Variants in CLIC2 observed in about 807,000 individuals in gnomAD.
The protein encoded by CLIC2 is CLIC family member 2.
A neutral mutation model predicts 14.8 loss-of-function variants in CLIC2; 9 were observed. The observed-to-expected ratio is 0.61, with a 90% CI of 0.37 to 1.06. The LOEUF (loss-of-function observed/expected upper bound fraction) is 1.06. CLIC2 is among the 50% of genes least tolerant of loss of function. CLIC2 has a pLI of 0.01. For synonymous variants in CLIC2, 61 were observed against 66.3 expected, an observed-to-expected ratio of 0.92 and a Z score of 0.39; for missense variants, 148 against 181.4, an observed-to-expected ratio of 0.82 and a Z score of 1.06.
chrX:155,330,351 T>A (rs994257370), intron 1 of CLIC2, among the ~76,000 whole-genome samples: 2 of 110,692 alleles, frequency 1.8e-5, no homozygotes, highest in Non-Finnish European at 3.8e-5. Flanking sequence ...AAAATTAAAG[T>A]TAAAGAACAA....
intron 1 of CLIC2, among the ~76,000 whole-genome samples, chrX:155,299,740 C>A (rs1301799806): frequency 1.3e-5 from 1 of 75,571 alleles, no homozygotes; most frequent in Non-Finnish European, 2.4e-5. Flanking sequence ...CCCCACCCCA[C>A]AACAGTCCCC....
At chrX:155,295,964 C>A (rs1400534123) in intron 3 of CLIC2, among the ~76,000 whole-genome samples, 1 of 111,376 alleles carries the variant, frequency 9.0e-6, no homozygotes, top group African/African-American at 3.3e-5. Context: ...AGATTCAATG[C>A]AATCCCTGTC....
chrX:155,277,025 C>G lies in CLIC2; in HGVS notation c.*878G>C, dbSNP rs2074901036. ...CAAGAGTTAAGTTCAGCTTTTGTTT[C>G]CAGATTTGAATGATTTAAGAGTACT... On this transcript the variant is annotated 3_prime_UTR_variant, in exon 6 of 6. Coordinates refer to ENST00000369449, the MANE Select transcript of CLIC2 (RefSeq NM_001289.6). 8.9e-6 allele frequency: 1 copy of G among 112,050 alleles called. No individual in the cohort carries two copies. Among genetic ancestry groups the G allele is most frequent in the African/African-American group, 3.2e-5 (1 of 30,877 alleles). 9.2% of individuals were successfully genotyped at this position (112,050 alleles called of 1,213,427 possible).
In CLIC2 at chrX:155,312,434, A is replaced by G. The variant is rs190970386; in HGVS notation, c.58-13289T>C. Reference sequence around the variant, plus strand: ...TATTGAATAAGGAGTCTTTTCCCCAATGCTTGTTTTTGTCAGGCTTGTCAA... The same window carrying G: ...TATTGAATAAGGAGTCTTTTCCCCAGTGCTTGTTTTTGTCAGGCTTGTCAA... On this transcript the variant is annotated intron_variant, in intron 1 of 5. Coordinates refer to ENST00000369449, the MANE Select transcript of CLIC2 (RefSeq NM_001289.6). 3.6e-3 allele frequency among the ~76,000 whole-genome samples: 399 copies of G among 111,690 alleles called. 5 individuals are homozygous for G. Among genetic ancestry groups the G allele is most frequent in the African/African-American group, 0.012 (381 of 30,743 alleles).
At chrX:155,329,223 C>T (rs781920730) in intron 1 of CLIC2, among the ~76,000 whole-genome samples, 11 of 109,439 alleles carry the variant, frequency 1.0e-4, no homozygotes, top group Admixed American at 8.7e-4. Flanking sequence ...GATTAATAAC[C>T]AGAATATATA....
Position 155,299,153 on chromosome X carries a change from G to A in CLIC2, c.58-8C>T. 9.6e-6 allele frequency: 11 copies of A among 1,148,042 alleles called. No homozygotes were observed. The highest frequency in any genetic ancestry group is 1.3e-5 in the Non-Finnish European group (11 of 838,158). The allele number at this position is 1,148,042 out of a possible 1,213,427, so 94.6% of individuals were successfully genotyped here. On this transcript the variant is annotated splice_region_variant and splice_polypyrimidine_tract_variant and intron_variant, in intron 1 of 5. Transcript: ENST00000369449. ...CTCTCCATCACTTCCAGCCTATTAA[G>A]ATAAAGAGAGACCTCAGTTCATTTG...
intron 1 of CLIC2, among the ~76,000 whole-genome samples, chrX:155,314,071 C>T (rs1301297314): frequency 9.0e-6 from 1 of 111,172 alleles, no homozygotes; most frequent in Non-Finnish European, 1.9e-5. Context: ...ACATGCCTAA[C>T]CCTGCCCCCA....
At chrX:155,285,788 GTT>G (rs2074939816) in intron 3 of CLIC2, among the ~76,000 whole-genome samples, 1 of 109,743 alleles carries the variant, frequency 9.1e-6, no homozygotes, top group African/African-American at 3.3e-5. Flanking sequence ...TTCATTCTGA[GTT>G]TCTTATGTGA....
At chrX:155,279,875 T>C (rs1252561983) in intron 4 of CLIC2, 87 bp downstream of exon 4, 3 of 626,314 alleles carry the variant, frequency 4.8e-6, no homozygotes, top group Non-Finnish European at 7.9e-6. Context: ...CCCCAAAATA[T>C]ACTATATATT....
intron 1 of CLIC2, among the ~76,000 whole-genome samples, chrX:155,321,160 A>G (rs1473017715): frequency 4.5e-5 from 5 of 112,029 alleles, no homozygotes; most frequent in Non-Finnish European, 5.6e-5. Flanking sequence ...ATCCAGGAGA[A>G]CTTCCCCAAC....
intron 1 of CLIC2, among the ~76,000 whole-genome samples, chrX:155,321,261 A>G (rs2075113445): frequency 9.0e-6 from 1 of 111,307 alleles, no homozygotes; most frequent in African/African-American, 3.3e-5. Context: ...ACACATAATC[A>G]TCAGATTCAC....
At chrX:155,291,082 T>C (rs782228931) in intron 3 of CLIC2, 2 of 897,008 alleles carry the variant, frequency 2.2e-6, no homozygotes, top group Non-Finnish European at 3.2e-6. Flanking sequence ...GCATATAACC[T>C]TTTTTGACGG....
chrX:155,292,683 T>A, intron 3 of CLIC2: 1 of 323,538 alleles, frequency 3.1e-6, no homozygotes. Context: ...GGCAGGAGAA[T>A]GGCGTGAACC....
At chrX:155,299,722 C>CT in intron 1 of CLIC2, among the ~76,000 whole-genome samples, 1 of 73,456 alleles carries the variant, frequency 1.4e-5, no homozygotes, top group African/African-American at 5.3e-5. Context: ...GTTATCCCTC[C>CT]CCCCTCCCCC....
intron 3 of CLIC2, among the ~76,000 whole-genome samples, chrX:155,289,700 T>TA (rs1432746554): frequency 3.6e-5 from 4 of 112,276 alleles, no homozygotes; most frequent in African/African-American, 1.3e-4. Flanking sequence ...TAAGGCTGTT[T>TA]AAAGTCTTTC....
intron 1 of CLIC2, among the ~76,000 whole-genome samples, chrX:155,305,683 G>A (rs1273566081): frequency 8.9e-6 from 1 of 112,193 alleles, no homozygotes; most frequent in Non-Finnish European, 1.9e-5. Flanking sequence ...GTTTATGACA[G>A]TTTTTAATTT....
At chrX:155,279,460 A>G in intron 4 of CLIC2, 130 bp from the exon 5 acceptor site, 1 of 495,489 alleles carries the variant, frequency 2.0e-6, no homozygotes, top group Non-Finnish European at 3.5e-6. Context: ...TTCAATATCT[A>G]GTTAACTATT....
intron 1 of CLIC2, among the ~76,000 whole-genome samples, chrX:155,320,750 A>T (rs977972364): frequency 9.0e-6 from 1 of 111,579 alleles, no homozygotes. Context: ...GAAAGTGGGT[A>T]ATAACAAACT....
chrX:155,326,839 A>C (rs1211725156), intron 1 of CLIC2, among the ~76,000 whole-genome samples: 2 of 111,716 alleles, frequency 1.8e-5, no homozygotes, highest in African/African-American at 6.5e-5. Flanking sequence ...CAATCCCAAA[A>C]GGTGATATAC....
Sources: allele counts gnomAD v4.1 joint callset (sites outside exome capture counted in the v4.1 genomes callset), GRCh38; gene constraint gnomAD v4.1.1; transcripts MANE v1.5; gene names NCBI Gene and HGNC (gene_info 2026-07-23, HGNC 2026-07-21).